MACROD2: variants seen among roughly 807,000 people sequenced by gnomAD.
MACROD2 encodes the protein mono-ADP ribosylhydrolase 2, also known as ADP-ribose glycohydrolase MACROD2.
A neutral mutation model predicts 70.4 loss-of-function variants in MACROD2; 36 were observed. The ratio of observed to expected loss-of-function variants is 0.51; its 90% CI spans 0.39 to 0.68. The LOEUF is 0.68. Ranked by LOEUF, MACROD2 falls within the 30% of genes least tolerant of loss-of-function variation. The pLI, the probability that MACROD2 is intolerant of heterozygous loss-of-function variation, is 0.00. For synonymous variants in MACROD2, 172 were observed against 178.8 expected, an observed-to-expected ratio of 0.96 and a Z score of 0.30; for missense variants, 496 against 538.4, an observed-to-expected ratio of 0.92 and a Z score of 0.78.
intron 6 of MACROD2, among the ~76,000 whole-genome samples, chr20:15,292,942 A>G (rs1453238659): frequency 6.6e-6 from 1 of 152,160 alleles, no homozygotes; most frequent in Non-Finnish European, 1.5e-5. Context: ...GGGAACTTGC[A>G]TATTATCTGA....
intron 3 of MACROD2, among the ~76,000 whole-genome samples, chr20:14,294,843 A>G (rs966169243): frequency 3.3e-5 from 5 of 151,776 alleles, no homozygotes; most frequent in African/African-American, 1.2e-4. Flanking sequence ...TTGATGAATA[A>G]AAATGAGTAA....
In MACROD2 at chr20:14,140,999, G is replaced by A. The variant is rs553003179; in HGVS notation, c.271+55271G>A. Among the ~76,000 whole-genome samples, 162 of 152,186 alleles carry A rather than the reference G, an allele frequency of 1.1e-3. 1 individual carries two copies. The highest frequency in any genetic ancestry group is 3.7e-3 in the African/African-American group (154 of 41,500). On this transcript the variant is annotated intron_variant, in intron 3 of 17. Coordinates refer to ENST00000684519, the MANE Select transcript of MACROD2 (RefSeq NM_001351661.2). Reference sequence around the variant, plus strand: ...AGGATACCTGACCTTCCTGCCTTCCGCTACCTTAAGTGAAAAATCTCTTCT... The same window carrying A: ...AGGATACCTGACCTTCCTGCCTTCCACTACCTTAAGTGAAAAATCTCTTCT...
intron 5 of MACROD2, among the ~76,000 whole-genome samples, chr20:14,978,985 T>C (rs1271077360): frequency 2.7e-5 from 4 of 148,666 alleles, no homozygotes; most frequent in Non-Finnish European, 5.9e-5. Context: ...GGGCCTTTGC[T>C]CTGTCACCTA....
Position 15,052,544 on chromosome 20 carries a change from G to C in MACROD2, c.419-177396G>C, listed in dbSNP as rs148492375. ...TTGACATTACTATTGTCATTGTTTT[G>C]GGGTGCCACAAACTGTGCTCATAAA... On this transcript the variant is annotated intron_variant, in intron 5 of 17. Coordinates refer to ENST00000684519, the MANE Select transcript of MACROD2 (RefSeq NM_001351661.2). Among the ~76,000 whole-genome samples, 27 of 151,936 alleles carry C rather than the reference G, an allele frequency of 1.8e-4. No individual in the cohort carries two copies. In the East Asian group the frequency reaches 3.3e-3, roughly 19 times the overall value.
chr20:14,004,706 A>C (rs879488242), intron 2 of MACROD2, among the ~76,000 whole-genome samples: 4 of 152,152 alleles, frequency 2.6e-5, no homozygotes, highest in Non-Finnish European at 4.4e-5. Context: ...AAGGAAAACT[A>C]TACATATGGT....
rs1313323339 is a variant in MACROD2 at position 15,758,859 on chromosome 20, AG to A, written c.646-103884del. 2.0e-5 allele frequency among the ~76,000 whole-genome samples: 3 copies of A among 151,646 alleles called. No individual in the cohort carries two copies. The East Asian group carries it at 6.0e-4, about 30-fold the overall frequency. On this transcript the variant is annotated intron_variant, in intron 8 of 17. Coordinates refer to ENST00000684519, the MANE Select transcript of MACROD2 (RefSeq NM_001351661.2). ...TTCCTGGCCTAATTCGGTTTATTAA[AG>A]GACCCCAGGCCGGGCACGGTGGCTC... is the stretch of plus-strand genomic sequence containing the variant.
At chr20:14,055,196 C>G (rs1472343556) in intron 2 of MACROD2, among the ~76,000 whole-genome samples, 1 of 152,096 alleles carries the variant, frequency 6.6e-6, no homozygotes, top group Non-Finnish European at 1.5e-5. Flanking sequence ...TTTATTTTGT[C>G]TTAAACATGA....
At chr20:15,207,666 C>G (rs1047186784) in intron 5 of MACROD2, among the ~76,000 whole-genome samples, 2 of 151,720 alleles carry the variant, frequency 1.3e-5, no homozygotes, top group African/African-American at 4.8e-5. Context: ...TGGTCTCAAA[C>G]TCCTGACCTC....
At chr20:14,900,923 A>G (rs1464625319) in intron 5 of MACROD2, among the ~76,000 whole-genome samples, 1 of 152,054 alleles carries the variant, frequency 6.6e-6, no homozygotes, top group African/African-American at 2.4e-5. Context: ...GAAAATTGAA[A>G]CCAATTCTAT....
At chr20:15,936,311 A>ACACACATATGTAATGT (rs2065659675) in intron 11 of MACROD2, among the ~76,000 whole-genome samples, 1 of 148,764 alleles carries the variant, frequency 6.7e-6, no homozygotes, top group African/African-American at 2.4e-5. Flanking sequence ...GTATATATAT[A>ACACACATATGTAATGT]GTTTTTCATG....
At chr20:15,124,581 C>A (rs1156289867) in intron 5 of MACROD2, among the ~76,000 whole-genome samples, 2 of 151,910 alleles carry the variant, frequency 1.3e-5, no homozygotes, top group Non-Finnish European at 2.9e-5. Flanking sequence ...ATATAGCTCC[C>A]TAATTACTAC....
intron 5 of MACROD2, among the ~76,000 whole-genome samples, chr20:14,822,911 T>C (rs944061582): frequency 1.3e-5 from 2 of 152,088 alleles, no homozygotes; most frequent in African/African-American, 4.8e-5. Context: ...AAAAGTGCTG[T>C]CATTTGATTA....
chr20:14,938,768 C>G (rs2074363615), intron 5 of MACROD2, among the ~76,000 whole-genome samples: 1 of 142,738 alleles, frequency 7.0e-6, no homozygotes, highest in East Asian at 1.9e-4. Flanking sequence ...GTGACTGTCT[C>G]AAAACAAAAC....
Position 15,943,158 on chromosome 20 carries a change from A to G in MACROD2, c.907+5614A>G, listed in dbSNP as rs949188952. 5.3e-5 allele frequency among the ~76,000 whole-genome samples: 8 copies of G among 152,216 alleles called. No homozygotes were observed. In the South Asian group the frequency reaches 1.0e-3, roughly 20 times the overall value. ...AAAGTGAACAAAAGAGAAAGACTACATACAAGGAAGAGAATTCAGGAGTGT... is the reference window on the plus strand; with the variant it reads ...AAAGTGAACAAAAGAGAAAGACTACGTACAAGGAAGAGAATTCAGGAGTGT... On this transcript the variant is annotated intron_variant, in intron 12 of 17. Transcript: ENST00000684519.
intron 3 of MACROD2, among the ~76,000 whole-genome samples, chr20:14,154,292 A>G (rs1468850582): frequency 6.6e-6 from 1 of 152,168 alleles, no homozygotes; most frequent in Non-Finnish European, 1.5e-5. Context: ...TTTTTTATCT[A>G]AGGAGAATAC....
intron 8 of MACROD2, among the ~76,000 whole-genome samples, chr20:15,524,253 AG>A (rs890179852): frequency 2.6e-5 from 4 of 151,744 alleles, no homozygotes; most frequent in Non-Finnish European, 5.9e-5. Flanking sequence ...TAGATTTGTG[AG>A]GGGATCTCCA....
chr20:15,002,643 A>G (rs1380621047), intron 5 of MACROD2, among the ~76,000 whole-genome samples: 14 of 152,144 alleles, frequency 9.2e-5, no homozygotes, highest in Non-Finnish European at 2.1e-4. Flanking sequence ...TCCTATGGGG[A>G]CCGGTGAGGT....
chr20:15,152,457 C>T (rs867330768), intron 5 of MACROD2, among the ~76,000 whole-genome samples: 9 of 143,858 alleles, frequency 6.3e-5, no homozygotes, highest in African/African-American at 1.6e-4. Flanking sequence ...AGGTTGGGGG[C>T]GTGGAAATAA....
At chr20:15,764,454 C>T (rs1027421137) in intron 8 of MACROD2, among the ~76,000 whole-genome samples, 3 of 152,158 alleles carry the variant, frequency 2.0e-5, no homozygotes. Flanking sequence ...TCCTTCCCTT[C>T]CACCAAACCT....
Sources: allele counts gnomAD v4.1 joint callset (sites outside exome capture counted in the v4.1 genomes callset), GRCh38; gene constraint gnomAD v4.1.1; transcripts MANE v1.5; gene names NCBI Gene and HGNC (gene_info 2026-07-23, HGNC 2026-07-21).